Variants in SPTB observed in about 807,000 individuals in gnomAD.
SPTB encodes the protein spectrin beta chain, erythrocytic.
Under a neutral mutation model 256.2 loss-of-function variants are expected in SPTB, and 45 were observed. That is an observed-to-expected ratio of 0.18 (90% CI 0.14 to 0.23). SPTB has a LOEUF of 0.23. Among genes scored for constraint, SPTB ranks in the 10% least tolerant of loss-of-function variants. The pLI, the probability that SPTB is intolerant of heterozygous loss-of-function variation, is 1.00. For missense variants in SPTB, 2,715 were observed against 3,040.4 expected (o/e 0.89, Z 2.52); for synonymous variants, 1,231 against 1,243.1 (o/e 0.99, Z 0.21).
At chr14:64,830,773 A>G (rs2083442353) in intron 1 of SPTB, among the ~76,000 whole-genome samples, 1 of 151,788 alleles carries the variant, frequency 6.6e-6, no homozygotes, top group South Asian at 2.1e-4. Context: ...GTCCAATTCT[A>G]AGCCCTGCAC....
At chr14:64,815,958 G>C (rs2083184034) in intron 2 of SPTB, among the ~76,000 whole-genome samples, 1 of 152,176 alleles carries the variant, frequency 6.6e-6, no homozygotes, top group Non-Finnish European at 1.5e-5. Context: ...GATATTGCCA[G>C]GTAGACCATT....
chr14:64,776,650 C>T (rs1481892890), intron 22 of SPTB, among the ~76,000 whole-genome samples: 2 of 152,190 alleles, frequency 1.3e-5, no homozygotes, highest in Non-Finnish European at 2.9e-5. Flanking sequence ...CCATGTTGCC[C>T]AGGCTGGTCT....
At position 64,785,519 on chromosome 14, in the gene SPTB, T is replaced by A; in HGVS notation, c.3855+18A>T. ...AAGGAATCTCCAGGAAAGCAGCCAC[T>A]CCTTGCTGGAGCCTCACCTCCTGGC... is the stretch of plus-strand genomic sequence containing the variant. On this transcript the variant is annotated intron_variant, in intron 18 of 35. Transcript: ENST00000644917. The surrounding 1 kb of genome is among the most constrained non-coding windows in gnomAD (Gnocchi z 4.4). 1 of 1,605,526 alleles carries A rather than the reference T, an allele frequency of 6.2e-7. No individual in the cohort carries two copies. The highest frequency in any genetic ancestry group is 8.5e-7 in the Non-Finnish European group (1 of 1,175,872).
In SPTB at chr14:64,779,454, G is replaced by A. The variant is rs2082424427; in HGVS notation, c.4474-208C>T. On this transcript the variant is annotated intron_variant, in intron 21 of 35. Coordinates refer to ENST00000644917, the MANE Select transcript of SPTB (RefSeq NM_001355436.2). The surrounding 1 kb of genome is among the most constrained non-coding windows in gnomAD (Gnocchi z 4.2). ...ATAACTTGCTCCTAGTCAGACAGTGGGAAGGTAATGTAGCTGGATCTCGAA... is the reference window on the plus strand; with the variant it reads ...ATAACTTGCTCCTAGTCAGACAGTGAGAAGGTAATGTAGCTGGATCTCGAA... Among the ~76,000 whole-genome samples, 1 of 152,208 alleles carries A rather than the reference G, an allele frequency of 6.6e-6. No individual in the cohort carries two copies. The highest frequency in any genetic ancestry group is 1.5e-5 in the Non-Finnish European group (1 of 68,040).
At chr14:64,799,680 G>C in intron 9 of SPTB, 67 bp downstream of exon 9, 3 of 1,585,504 alleles carry the variant, frequency 1.9e-6, no homozygotes, top group East Asian at 4.5e-5. Context: ...CCAGAACCTG[G>C]CTCTACCTTT....
Position 64,760,270 on chromosome 14 carries a change from G to A in SPTB, c.6345+6456C>T, listed in dbSNP as rs777398286. ...GGCAGGGGTTGGGGTCTTCACAGAG[G>A]ATGTGCACAACAGGCCAGGGACATG... On this transcript the variant is annotated intron_variant, in intron 32 of 35. Coordinates refer to ENST00000644917, the MANE Select transcript of SPTB (RefSeq NM_001355436.2). The surrounding 1 kb of genome is among the most constrained non-coding windows in gnomAD (Gnocchi z 4.3). Among the ~76,000 whole-genome samples the A allele has an allele frequency of 2.0e-4, 31 of 152,108 alleles. No individual in the cohort carries two copies. The highest frequency in any genetic ancestry group is 4.0e-4 in the Non-Finnish European group (27 of 68,032).
intron 2 of SPTB, among the ~76,000 whole-genome samples, chr14:64,822,664 C>T (rs999977602): frequency 5.3e-5 from 8 of 152,124 alleles, no homozygotes; most frequent in Non-Finnish European, 1.0e-4. Context: ...CCCAGACTCT[C>T]GTACTTCTCA....
At chr14:64,867,723 G>A (rs906125787) in intron 1 of SPTB, among the ~76,000 whole-genome samples, 16 of 151,962 alleles carry the variant, frequency 1.1e-4, no homozygotes, top group Admixed American at 7.2e-4. Flanking sequence ...GCATGGTGGC[G>A]GGCACCTGTA....
At chr14:64,776,733 C>A (rs1197019548) in intron 22 of SPTB, among the ~76,000 whole-genome samples, 2 of 152,196 alleles carry the variant, frequency 1.3e-5, no homozygotes, top group Non-Finnish European at 2.9e-5. Flanking sequence ...TGAACCACTG[C>A]GCCCGGCCTA....
intron 32 of SPTB, 140 bp from the exon 33 acceptor site, chr14:64,753,933 AC>A: frequency 8.7e-7 from 1 of 1,149,862 alleles, no homozygotes; most frequent in Non-Finnish European, 1.3e-6. Flanking sequence ...CTCCTGGCCC[AC>A]CCTGGCTCTC....
chr14:64,779,075 G>T lies in SPTB; in HGVS notation c.4563+82C>A. The stretch of plus-strand genomic sequence containing the variant: ...AATCTGCTGTTGCTAGCCTTCTGCA[G>T]GTCAGGGCTGGGCCTACCCCCGTGG... On this transcript the variant is annotated intron_variant, in intron 22 of 35. Coordinates refer to ENST00000644917, the MANE Select transcript of SPTB (RefSeq NM_001355436.2). The surrounding 1 kb of genome is among the most constrained non-coding windows in gnomAD (Gnocchi z 4.2). 1 of 1,088,460 alleles carries T rather than the reference G, an allele frequency of 9.2e-7. No individual in the cohort carries two copies. Among genetic ancestry groups the T allele is most frequent in the Non-Finnish European group, 1.4e-6 (1 of 723,554 alleles). The allele number at this position is 1,088,460 out of a possible 1,614,324, so 67.4% of individuals were successfully genotyped here. A position where few individuals can be genotyped will look rare whatever the true frequency, so the allele number is the denominator to read the frequency against.
At chr14:64,771,376 T>G in intron 26 of SPTB, among the ~76,000 whole-genome samples, 1 of 152,286 alleles carries the variant, frequency 6.6e-6, no homozygotes, top group East Asian at 1.9e-4. Flanking sequence ...TGCCCTTTGA[T>G]CTCCTCAACA....
Position 64,802,080 on chromosome 14 carries a change from T to A in SPTB, c.566+146A>T. 1 of 911,896 alleles carries A rather than the reference T, an allele frequency of 1.1e-6. No homozygotes were observed. The highest frequency in any genetic ancestry group is 1.8e-6 in the Non-Finnish European group (1 of 565,464). The allele number at this position is 911,896 out of a possible 1,614,324, so 56.5% of individuals were successfully genotyped here. A position where few individuals can be genotyped will look rare whatever the true frequency, so the allele number is the denominator to read the frequency against. On this transcript the variant is annotated intron_variant, in intron 5 of 35. Coordinates refer to ENST00000644917, the MANE Select transcript of SPTB (RefSeq NM_001355436.2). The surrounding 1 kb of genome is among the most constrained non-coding windows in gnomAD (Gnocchi z 5.1). ...ATCCTGTATTCCAGGCCTCAAAGAA[T>A]CAGGTCAGGACAGACTTTGCATCAA...
At chr14:64,752,092 TAAACAAAACA>T (rs369050414) in intron 33 of SPTB, 56 of 1,087,836 alleles carry the variant, frequency 5.1e-5, no homozygotes, top group African/African-American at 1.8e-4. Flanking sequence ...AGACTCTGTC[TAAACAAAACA>T]AAACAAAACA....
At chr14:64,875,672 A>C (rs944323509) in intron 1 of SPTB, among the ~76,000 whole-genome samples, 3 of 152,248 alleles carry the variant, frequency 2.0e-5, no homozygotes, top group African/African-American at 7.2e-5. Flanking sequence ...GTAACCTACG[A>C]TCTGTCTGTT....
intron 2 of SPTB, 22 bp downstream of exon 2, chr14:64,822,925 C>A: frequency 6.2e-7 from 1 of 1,612,774 alleles, no homozygotes; most frequent in African/African-American, 1.3e-5. Flanking sequence ...TGCCCTCCAA[C>A]CCTTGTGGCC....
At chr14:64,833,279 G>A (rs571791668) in intron 1 of SPTB, among the ~76,000 whole-genome samples, 7 of 152,256 alleles carry the variant, frequency 4.6e-5, no homozygotes, top group South Asian at 2.1e-4. Context: ...TGCTGGGCGC[G>A]GTGGCTCACG....
intron 1 of SPTB, among the ~76,000 whole-genome samples, chr14:64,878,484 T>C (rs151191302): frequency 6.6e-6 from 1 of 152,294 alleles, no homozygotes; most frequent in East Asian, 1.9e-4. Flanking sequence ...AGAAATGACC[T>C]GCCTTGGGTT....
chr14:64,784,444 G>T, intron 18 of SPTB, 51 bp from the exon 19 acceptor site: 2 of 1,609,236 alleles, frequency 1.2e-6, no homozygotes, highest in South Asian at 1.1e-5. Flanking sequence ...TTCTTTGGCA[G>T]AGCAGAACCT....
Sources: allele counts gnomAD v4.1 joint callset (sites outside exome capture counted in the v4.1 genomes callset), GRCh38; gene constraint gnomAD v4.1.1; non-coding constraint Gnocchi (gnomAD v3.1); transcripts MANE v1.5; gene names NCBI Gene and HGNC (gene_info 2026-07-23, HGNC 2026-07-21).